The following CUL1 variants were observed in gnomAD, a reference collection of about 807,000 sequenced individuals.
The protein encoded by CUL1 is cullin-1.
Under a neutral mutation model 118.0 loss-of-function variants are expected in CUL1, and 24 were observed. That is an observed-to-expected ratio of 0.20 (90% CI 0.15 to 0.29). The LOEUF is 0.29. Ranked by LOEUF, CUL1 falls within the 10% of genes least tolerant of loss-of-function variation. The pLI is 1.00. For synonymous variants in CUL1, 332 were observed against 340.4 expected (o/e 0.98, Z 0.27); for missense variants, 361 against 933.8 (o/e 0.39, Z 7.99).
chr7:148,722,787 G>A (rs570043489), intron 1 of CUL1, among the ~76,000 whole-genome samples: 1 of 152,332 alleles, frequency 6.6e-6, no homozygotes, highest in Admixed American at 6.5e-5. Flanking sequence ...TCATTTGCAG[G>A]TGGGGCCCTG....
intron 1 of CUL1, among the ~76,000 whole-genome samples, chr7:148,701,310 C>G (rs1797716055): frequency 6.6e-6 from 1 of 152,192 alleles, no homozygotes; most frequent in East Asian, 1.9e-4. Flanking sequence ...CTCTCTCATC[C>G]CTCCTTTTCT....
intron 1 of CUL1, among the ~76,000 whole-genome samples, chr7:148,699,274 C>T (rs1257292784): frequency 1.3e-5 from 2 of 151,846 alleles, no homozygotes; most frequent in African/African-American, 4.8e-5. Context: ...CCCGGACGGG[C>T]CGGGGCGGCC....
At chr7:148,723,135 C>T (rs1458343101) in intron 1 of CUL1, among the ~76,000 whole-genome samples, 2 of 152,234 alleles carry the variant, frequency 1.3e-5, no homozygotes, top group Admixed American at 6.5e-5. Flanking sequence ...CAACTGCTGC[C>T]TTTTCTTCTC....
At chr7:148,726,225 TA>T (rs1798578313) in intron 1 of CUL1, among the ~76,000 whole-genome samples, 1 of 152,224 alleles carries the variant, frequency 6.6e-6, no homozygotes, top group African/African-American at 2.4e-5. Flanking sequence ...TTGATGTGCT[TA>T]TGCTGAGACA....
chr7:148,778,027 C>T (rs973664568), intron 9 of CUL1, among the ~76,000 whole-genome samples: 3 of 135,570 alleles, frequency 2.2e-5, no homozygotes, highest in East Asian at 2.2e-4. Context: ...CATGCCACTG[C>T]ACTCCTGCAC....
At chr7:148,727,930 ATTC>A (rs1798639812) in intron 1 of CUL1, among the ~76,000 whole-genome samples, 2 of 152,100 alleles carry the variant, frequency 1.3e-5, no homozygotes, top group South Asian at 4.1e-4. Context: ...GTGACAGCCT[ATTC>A]AGAATTAGGA....
intron 2 of CUL1, 112 bp from the exon 3 acceptor site, chr7:148,753,864 G>A (rs1584792563): frequency 3.9e-6 from 3 of 772,808 alleles, no homozygotes; most frequent in East Asian, 2.8e-5. Flanking sequence ...TTTTTAACAG[G>A]TTTTGGTTGA....
chr7:148,793,085 G>A (rs1384914627), intron 17 of CUL1, among the ~76,000 whole-genome samples: 2 of 152,144 alleles, frequency 1.3e-5, no homozygotes, highest in African/African-American at 4.8e-5. Context: ...ACTTGAGCCT[G>A]GGAGGTCGAG....
At chr7:148,721,322 A>G (rs1328919549) in intron 1 of CUL1, among the ~76,000 whole-genome samples, 1 of 152,134 alleles carries the variant, frequency 6.6e-6, no homozygotes, top group East Asian at 1.9e-4. Context: ...TTACCCCACA[A>G]TATTTTAATT....
chr7:148,729,503 A>G (rs1399234611), intron 1 of CUL1, among the ~76,000 whole-genome samples: 1 of 152,090 alleles, frequency 6.6e-6, no homozygotes, highest in African/African-American at 2.4e-5. Flanking sequence ...CCTCACCAAC[A>G]TTTGCATTCT....
At chr7:148,703,580 T>A (rs899592941) in intron 1 of CUL1, among the ~76,000 whole-genome samples, 3 of 152,108 alleles carry the variant, frequency 2.0e-5, no homozygotes, top group Non-Finnish European at 4.4e-5. Flanking sequence ...TCGCCCCCAC[T>A]GGAGTGCAGT....
At chr7:148,770,542 G>A (rs1244261328) in intron 9 of CUL1, among the ~76,000 whole-genome samples, 1 of 152,206 alleles carries the variant, frequency 6.6e-6, no homozygotes, top group Non-Finnish European at 1.5e-5. Flanking sequence ...CAAAAGGAGT[G>A]TTTCCTAAAA....
intron 13 of CUL1, among the ~76,000 whole-genome samples, chr7:148,788,302 A>T (rs1050635623): frequency 2.0e-5 from 3 of 152,222 alleles, no homozygotes; most frequent in African/African-American, 7.2e-5. Context: ...CCTTGCTCTT[A>T]AATGCTCACA....
intron 1 of CUL1, among the ~76,000 whole-genome samples, chr7:148,707,926 G>A (rs1797937887): frequency 1.3e-5 from 2 of 152,180 alleles, no homozygotes; most frequent in African/African-American, 2.4e-5. Context: ...AGTTTAGGAA[G>A]CATCACCAGG....
At chr7:148,709,200 A>G (rs10238595) in intron 1 of CUL1, among the ~76,000 whole-genome samples, 172 of 152,366 alleles carry the variant, frequency 1.1e-3, no homozygotes, top group African/African-American at 4.0e-3. Flanking sequence ...AAAAATGCAG[A>G]GGAGGATTTG....
At chr7:148,719,126 A>G (rs1048710868) in intron 1 of CUL1, among the ~76,000 whole-genome samples, 5 of 152,120 alleles carry the variant, frequency 3.3e-5, no homozygotes, top group Non-Finnish European at 7.4e-5. Context: ...CCTGGCTAAC[A>G]TGGTGAAACC....
chr7:148,798,083 C>A, intron 19 of CUL1, 64 bp downstream of exon 19: 2 of 943,334 alleles, frequency 2.1e-6, no homozygotes, highest in Non-Finnish European at 3.3e-6. Flanking sequence ...AGCCCTAGCA[C>A]GGATCTCAGT....
chr7:148,756,253 TAAAG>T (rs1398302448), intron 3 of CUL1, among the ~76,000 whole-genome samples: 5 of 152,222 alleles, frequency 3.3e-5, no homozygotes, highest in African/African-American at 1.2e-4. Context: ...TAAGTAAATT[TAAAG>T]AAGGAAGAAG....
intron 3 of CUL1, among the ~76,000 whole-genome samples, chr7:148,756,159 A>G (rs1418772873): frequency 1.3e-5 from 2 of 152,232 alleles, no homozygotes; most frequent in Non-Finnish European, 2.9e-5. Flanking sequence ...ATTTTCGTAA[A>G]TGCACATTTT....
Sources: gnomAD v4.1 joint callset for allele counts (sites outside exome capture counted in the v4.1 genomes callset) on GRCh38, gnomAD v4.1.1 for gene constraint, MANE v1.5 for transcripts, NCBI Gene and HGNC (gene_info 2026-07-23, HGNC 2026-07-21) for gene names.